The following RAB11FIP4 variants were observed in gnomAD, a reference collection of about 807,000 sequenced individuals.
RAB11FIP4 encodes the protein rab11 family-interacting protein 4.
A neutral mutation model predicts 74.3 loss-of-function variants in RAB11FIP4; 23 were observed. The observed-to-expected ratio is 0.31, with a 90% CI of 0.22 to 0.44. The LOEUF is 0.44. Ranked by LOEUF, RAB11FIP4 falls within the 20% of genes least tolerant of loss-of-function variation. The pLI is 1.00. For synonymous variants in RAB11FIP4, 360 were observed against 359.9 expected (o/e 1.00, Z 0.00); for missense variants, 630 against 863.9 (o/e 0.73, Z 3.39).
At chr17:31,448,606 A>G (rs1167395153) in intron 3 of RAB11FIP4, 1 of 152,008 alleles carries the variant, frequency 6.6e-6, no homozygotes, top group East Asian at 1.9e-4. Flanking sequence ...GGGAGAAATG[A>G]GGAAATTTGA....
chr17:31,469,401 C>G (rs1319758579), intron 3 of RAB11FIP4, among the ~76,000 whole-genome samples: 1 of 152,118 alleles, frequency 6.6e-6, no homozygotes, highest in Non-Finnish European at 1.5e-5. Context: ...AGGAGGATCA[C>G]TTGAGCCCAG....
At position 31,392,007 on chromosome 17, in the gene RAB11FIP4, A is replaced by G; in HGVS notation, c.155A>G (p.Glu52Gly). The G allele has an allele frequency of 7.6e-7, 1 of 1,324,038 alleles. No individual in the cohort carries two copies. Among genetic ancestry groups the G allele is most frequent in the Non-Finnish European group, 9.6e-7 (1 of 1,037,620 alleles). 82.0% of individuals were successfully genotyped at this position (1,324,038 alleles called of 1,614,324 possible). A position where few individuals can be genotyped will look rare whatever the true frequency, so the allele number is the denominator to read the frequency against. Reference sequence around the variant, plus strand: ...CTCGGACTGCGCTTCGGCCAGGGCGAGGAGGTAAGCTGGCCCGACCCCAGT... The same window carrying G: ...CTCGGACTGCGCTTCGGCCAGGGCGGGGAGGTAAGCTGGCCCGACCCCAGT... ...AALGLRFGQG[E>G]EVEKLVKYLD... Residue 52 changes from glutamate (E) to glycine (G), a missense_variant, in exon 1 of 15, where the codon GAG (glutamate) becomes GGG (glycine). Glu to Gly is a moderately conservative substitution (Grantham distance 98). Transcript: ENST00000621161.
intron 3 of RAB11FIP4, among the ~76,000 whole-genome samples, chr17:31,507,655 A>G (rs1264957299): frequency 1.3e-5 from 2 of 151,498 alleles, no homozygotes; most frequent in Non-Finnish European, 2.9e-5. Context: ...CTCATCTATT[A>G]TTATTATTAC....
At chr17:31,529,721 A>T (rs1234442276) in intron 13 of RAB11FIP4, among the ~76,000 whole-genome samples, 1 of 152,066 alleles carries the variant, frequency 6.6e-6, no homozygotes, top group Non-Finnish European at 1.5e-5. Context: ...TATCCTTCTG[A>T]GTTTGTTCCA....
chr17:31,514,309 G>A (rs912852725), intron 3 of RAB11FIP4, among the ~76,000 whole-genome samples: 2 of 152,192 alleles, frequency 1.3e-5, no homozygotes, highest in Non-Finnish European at 2.9e-5. Flanking sequence ...GCACACACTC[G>A]GCCTCTGTGT....
At chr17:31,413,561 C>T (rs561456048) in intron 1 of RAB11FIP4, among the ~76,000 whole-genome samples, 2 of 151,656 alleles carry the variant, frequency 1.3e-5, no homozygotes, top group African/African-American at 4.8e-5. Flanking sequence ...GCCTTGGCTA[C>T]CCTCTCCCTC....
intron 1 of RAB11FIP4, among the ~76,000 whole-genome samples, chr17:31,404,498 C>A (rs955958822): frequency 9.2e-5 from 14 of 152,242 alleles, no homozygotes; most frequent in African/African-American, 3.4e-4. Flanking sequence ...ATGCCTCAGT[C>A]TCCTCATCTG....
intron 3 of RAB11FIP4, among the ~76,000 whole-genome samples, chr17:31,455,452 C>T (rs1356304682): frequency 1.3e-5 from 2 of 152,194 alleles, no homozygotes; most frequent in African/African-American, 4.8e-5. Context: ...AGAGCTCATC[C>T]TGTGTCTGCT....
intron 7 of RAB11FIP4, 79 bp from the exon 8 acceptor site, chr17:31,523,433 C>A: frequency 8.7e-7 from 1 of 1,146,592 alleles, no homozygotes; most frequent in Non-Finnish European, 1.3e-6. Flanking sequence ...GTACTGGATG[C>A]TCGCCTAGCC....
Position 31,522,047 on chromosome 17 carries a change from C to T in RAB11FIP4, c.891C>T (p.Asn297=), listed in dbSNP as rs1396138546. 1.2e-6 allele frequency: 2 copies of T among 1,614,042 alleles called. No homozygotes were observed. Among genetic ancestry groups the T allele is most frequent in the Non-Finnish European group, 1.7e-6 (2 of 1,180,040 alleles). Residue 297 remains asparagine (N), a splice_region_variant and synonymous_variant, in exon 6 of 15, where the codon AAC becomes AAT. Transcript: ENST00000621161. ...CCCGACTGAAAAACCTGAAGGCCAA[C>T]AGGTGAGGCCCAGGCCCAGCTGGGG... ...LEARLKNLKA[N]SPNRKISSTA...
intron 1 of RAB11FIP4, among the ~76,000 whole-genome samples, chr17:31,426,099 G>T (rs559067358): frequency 6.6e-6 from 1 of 152,188 alleles, no homozygotes; most frequent in South Asian, 2.1e-4. Flanking sequence ...GGGTCCCCAC[G>T]TAGTGAGTAA....
chr17:31,449,186 C>A (rs1026489503), intron 3 of RAB11FIP4, among the ~76,000 whole-genome samples: 2 of 152,024 alleles, frequency 1.3e-5, no homozygotes, highest in African/African-American at 4.8e-5. Context: ...GTGGCATGAC[C>A]CTGCTCTGAC....
rs535791518 is a variant in RAB11FIP4 at position 31,449,456 on chromosome 17, A to G, written c.336+15334A>G. 3.3e-5 allele frequency among the ~76,000 whole-genome samples: 5 copies of G among 151,838 alleles called. No individual in the cohort carries two copies. The East Asian group carries it at 7.7e-4, about 24-fold the overall frequency. ...CTATTTCCTCCAAAGACTGGTCTCA[A>G]CTCCCTTTCTTGCCTCCCTTTCTCT... is the stretch of plus-strand genomic sequence containing the variant. On this transcript the variant is annotated intron_variant, in intron 3 of 14. Transcript: ENST00000621161.
intron 3 of RAB11FIP4, among the ~76,000 whole-genome samples, chr17:31,453,838 G>T (rs1047077650): frequency 3.6e-4 from 55 of 151,708 alleles, no homozygotes; most frequent in Middle Eastern, 3.4e-3. Context: ...GAAAGTGCAT[G>T]GAAGGCTCTC....
intron 3 of RAB11FIP4, among the ~76,000 whole-genome samples, chr17:31,478,528 T>C (rs1390906667): frequency 6.6e-6 from 1 of 152,052 alleles, no homozygotes; most frequent in Non-Finnish European, 1.5e-5. Flanking sequence ...AGTGAAGAAT[T>C]TCACCGGCTG....
chr17:31,410,004 G>T (rs1387579445), intron 1 of RAB11FIP4, among the ~76,000 whole-genome samples: 1 of 152,160 alleles, frequency 6.6e-6, no homozygotes, highest in Non-Finnish European at 1.5e-5. Flanking sequence ...CAGCTTGCCG[G>T]CTCTATGACC....
In RAB11FIP4 at chr17:31,391,975, C is replaced by G; in HGVS notation, c.123C>G (p.Val41=). The part of the protein sequence containing the change: ...DPDGFLRVER[V]AALGLRFGQG... ...ACGGCTTCCTGCGCGTGGAGCGCGT[C>G]GCGGCGCTCGGACTGCGCTTCGGCC... The change falls in exon 1 of 15, where the codon GTC becomes GTG. Residue 41 remains valine (V), a synonymous_variant. Coordinates refer to ENST00000621161, the MANE Select transcript of RAB11FIP4 (RefSeq NM_032932.6). 2 of 1,364,962 alleles carry G rather than the reference C, an allele frequency of 1.5e-6. No homozygotes were observed. Among genetic ancestry groups the G allele is most frequent in the Admixed American group, 3.0e-5 (1 of 33,574 alleles). 84.6% of individuals were successfully genotyped at this position (1,364,962 alleles called of 1,614,324 possible). A position where few individuals can be genotyped will look rare whatever the true frequency, so the allele number is the denominator to read the frequency against.
chr17:31,439,136 C>T (rs1440436524), intron 3 of RAB11FIP4, among the ~76,000 whole-genome samples: 1 of 152,188 alleles, frequency 6.6e-6, no homozygotes, highest in Non-Finnish European at 1.5e-5. Flanking sequence ...TCAGGCTGAG[C>T]TCCTCCTTTT....
At chr17:31,507,862 G>T (rs921656262) in intron 3 of RAB11FIP4, among the ~76,000 whole-genome samples, 2 of 152,070 alleles carry the variant, frequency 1.3e-5, no homozygotes, top group East Asian at 1.9e-4. Flanking sequence ...TTTAGACAGG[G>T]TCTCACTCCC....
Sources: gnomAD v4.1 joint callset for allele counts (sites outside exome capture counted in the v4.1 genomes callset) on GRCh38, gnomAD v4.1.1 for gene constraint, MANE v1.5 for transcripts, NCBI Gene and HGNC (gene_info 2026-07-23, HGNC 2026-07-21) for gene names.